CADPS: variants seen among roughly 807,000 people sequenced by gnomAD.
The protein encoded by CADPS is calcium-dependent secretion activator 1.
A neutral mutation model predicts 167.3 loss-of-function variants in CADPS; 57 were observed. The ratio of observed to expected loss-of-function variants is 0.34; its 90% CI spans 0.28 to 0.42. The LOEUF (loss-of-function observed/expected upper bound fraction) is 0.42. Ranked by LOEUF, CADPS falls within the 20% of genes least tolerant of loss-of-function variation. The pLI is 1.00. For synonymous variants in CADPS, 676 were observed against 635.3 expected, an observed-to-expected ratio of 1.06 and a Z score of -0.96; for missense variants, 1,414 against 1,738.1, an observed-to-expected ratio of 0.81 and a Z score of 3.32.
chr3:62,698,051 T>C (rs2080667978), intron 3 of CADPS, among the ~76,000 whole-genome samples: 1 of 152,102 alleles, frequency 6.6e-6, no homozygotes, highest in East Asian at 1.9e-4. Context: ...GGGCTGTCTG[T>C]TTACTCTGCT....
intron 7 of CADPS, among the ~76,000 whole-genome samples, chr3:62,586,960 C>G (rs935949385): frequency 2.0e-5 from 3 of 152,158 alleles, no homozygotes; most frequent in Non-Finnish European, 4.4e-5. Flanking sequence ...ATATTTAGGG[C>G]AAGGTACATT....
chr3:62,699,694 G>A (rs1580697538), intron 3 of CADPS, among the ~76,000 whole-genome samples: 1 of 151,994 alleles, frequency 6.6e-6, no homozygotes, highest in South Asian at 2.1e-4. Flanking sequence ...TCAGCTTCCT[G>A]AGTAGCTGGG....
chr3:62,544,226 G>A lies in CADPS; in HGVS notation c.1966+5677C>T, dbSNP rs2076128463. Among the ~76,000 whole-genome samples, 1 of 152,016 alleles carries A rather than the reference G, an allele frequency of 6.6e-6. No individual in the cohort carries two copies. The highest frequency in any genetic ancestry group is 6.6e-5 in the Admixed American group (1 of 15,236). On this transcript the variant is annotated intron_variant, in intron 11 of 29. Coordinates refer to ENST00000383710, the MANE Select transcript of CADPS (RefSeq NM_003716.4). This position sits in a 1 kb window ranked among gnomAD's most constrained non-coding sequence, Gnocchi z 4.4. ...TAATCCTCTATTGGGTCTTACATTA[G>A]AGCACACCCTTAAGCCAGCTAGAAT...
intron 3 of CADPS, among the ~76,000 whole-genome samples, chr3:62,708,470 G>C (rs1484476674): frequency 6.6e-6 from 1 of 151,940 alleles, no homozygotes; most frequent in Non-Finnish European, 1.5e-5. Context: ...TCACAGATGA[G>C]AAAAGTGAAA....
intron 11 of CADPS, among the ~76,000 whole-genome samples, chr3:62,547,377 T>C (rs968528416): frequency 6.6e-6 from 1 of 152,170 alleles, no homozygotes; most frequent in Admixed American, 6.6e-5. Flanking sequence ...TAGCTGATTG[T>C]AGTGGCTTGT....
In CADPS at chr3:62,478,566, C is replaced by G; in HGVS notation, c.3174-150G>C. On this transcript the variant is annotated intron_variant, in intron 22 of 29. Coordinates refer to ENST00000383710, the MANE Select transcript of CADPS (RefSeq NM_003716.4). This position sits in a 1 kb window ranked among gnomAD's most constrained non-coding sequence, Gnocchi z 5.7. Reference sequence around the variant, plus strand: ...GGCGGTGGAGGCGGGGGCGAGTCTCCACCGGCAGATTTTGAGTTTTACCAT... The same window carrying G: ...GGCGGTGGAGGCGGGGGCGAGTCTCGACCGGCAGATTTTGAGTTTTACCAT... 1.4e-6 allele frequency: 1 copy of G among 699,504 alleles called. No homozygotes were observed. Among genetic ancestry groups the G allele is most frequent in the Non-Finnish European group, 2.4e-6 (1 of 423,776 alleles). The allele number at this position is 699,504 out of a possible 1,614,324, so 43.3% of individuals were successfully genotyped here. A position where few individuals can be genotyped will look rare whatever the true frequency, so the allele number is the denominator to read the frequency against.
At chr3:62,813,907 T>C (rs1324886880) in intron 1 of CADPS, among the ~76,000 whole-genome samples, 3 of 151,962 alleles carry the variant, frequency 2.0e-5, no homozygotes, top group Non-Finnish European at 2.9e-5. Context: ...CAACACAGAG[T>C]AGAAGCTCAA....
At chr3:62,425,338 C>T (rs2149490734) in intron 28 of CADPS, among the ~76,000 whole-genome samples, 1 of 152,244 alleles carries the variant, frequency 6.6e-6, no homozygotes, top group East Asian at 1.9e-4. Context: ...CTCCCGCCAC[C>T]AATCAAAAAT....
At position 62,819,400 on chromosome 3, in the gene CADPS, C is replaced by CTG. The variant is rs1365425398; in HGVS notation, c.442-53418_442-53417dup. ...GGGTAAGGTTTAAAGCAATGACAAT[C>CTG]TGTGTGCGTGTGTGTGTGTGTGTGT... On this transcript the variant is annotated intron_variant, in intron 1 of 29. Transcript: ENST00000383710. Among the ~76,000 whole-genome samples the CTG allele has an allele frequency of 2.3e-5, 3 of 128,616 alleles. No individual in the cohort carries two copies. The South Asian group carries it at 8.7e-4, about 37-fold the overall frequency. The allele number at this position is 128,616 out of a possible 152,430, so 84.4% of individuals were successfully genotyped here. A position where few individuals can be genotyped will look rare whatever the true frequency, so the allele number is the denominator to read the frequency against.
chr3:62,808,117 C>T (rs950093693), intron 1 of CADPS, among the ~76,000 whole-genome samples: 2 of 145,640 alleles, frequency 1.4e-5, no homozygotes, highest in African/African-American at 4.9e-5. Flanking sequence ...TCATGATCCG[C>T]CAGCCTCAGC....
chr3:62,721,901 G>C (rs1163703599), intron 3 of CADPS, among the ~76,000 whole-genome samples: 3 of 152,176 alleles, frequency 2.0e-5, no homozygotes, highest in Non-Finnish European at 2.9e-5. Context: ...GATCCTGGTT[G>C]TGAATCCCAG....
intron 1 of CADPS, chr3:62,779,623 G>A (rs1422524368): frequency 5.6e-6 from 3 of 534,068 alleles, no homozygotes; most frequent in Non-Finnish European, 1.2e-5. Context: ...TCAGTGAGCT[G>A]CATGCATTTT....
At chr3:62,580,146 C>T (rs986475283) in intron 8 of CADPS, among the ~76,000 whole-genome samples, 2 of 152,134 alleles carry the variant, frequency 1.3e-5, no homozygotes, top group Non-Finnish European at 2.9e-5. Context: ...CGTATGTTTA[C>T]TGTGGCACTA....
At chr3:62,761,274 T>C (rs2085340257) in intron 2 of CADPS, among the ~76,000 whole-genome samples, 1 of 152,108 alleles carries the variant, frequency 6.6e-6, no homozygotes, top group Non-Finnish European at 1.5e-5. Context: ...TTAATCACAG[T>C]CGGTTTCTGT....
In CADPS at chr3:62,534,240, A is replaced by T. The variant is rs116369302; in HGVS notation, c.2104-1182T>A. Among the ~76,000 whole-genome samples the T allele has an allele frequency of 5.8e-3, 884 of 152,322 alleles. 12 individuals carry two copies. Among genetic ancestry groups the T allele is most frequent in the South Asian group, 0.02 (96 of 4,828 alleles). ...TTACTTTGAGGGTCTTCTCTGAGTCATCTTTTGAATATTGCTCCATCTTGG... is the reference window on the plus strand; with the variant it reads ...TTACTTTGAGGGTCTTCTCTGAGTCTTCTTTTGAATATTGCTCCATCTTGG... On this transcript the variant is annotated intron_variant, in intron 12 of 29. Transcript: ENST00000383710.
intron 28 of CADPS, among the ~76,000 whole-genome samples, chr3:62,418,419 G>A (rs1195147604): frequency 1.2e-4 from 17 of 146,284 alleles, no homozygotes; most frequent in African/African-American, 4.0e-4. Context: ...CAACCTCCCA[G>A]GCTTAAGTGA....
At chr3:62,697,318 C>T (rs1252273133) in intron 3 of CADPS, among the ~76,000 whole-genome samples, 2 of 152,014 alleles carry the variant, frequency 1.3e-5, no homozygotes, top group African/African-American at 4.8e-5. Context: ...TATGCCTTTG[C>T]ATCCTCACAG....
At position 62,580,949 on chromosome 3, in the gene CADPS, G is replaced by A. The variant is rs934074722; in HGVS notation, c.1577+4236C>T. ...AAATCTTATGCTGGATTTGGCATGG[G>A]TTTCAAGAATCTGCATTTGAATGTG... On this transcript the variant is annotated intron_variant, in intron 8 of 29. Transcript: ENST00000383710. 5.3e-5 allele frequency among the ~76,000 whole-genome samples: 8 copies of A among 152,144 alleles called. No individual in the cohort carries two copies. The East Asian group carries it at 5.8e-4, about 11-fold the overall frequency.
chr3:62,576,788 T>TTAAAAAAAAAAAAAAA lies in CADPS; in HGVS notation c.1578-5851_1578-5850insTTTTTTTTTTTTTTTA, dbSNP rs1553936618. 2.0e-4 allele frequency among the ~76,000 whole-genome samples: 6 copies of TTAAAAAAAAAAAAAAA among 29,878 alleles called. 1 individual carries two copies. Among genetic ancestry groups the TTAAAAAAAAAAAAAAA allele is most frequent in the African/African-American group, 3.7e-4 (3 of 8,202 alleles). The allele number at this position is 29,878 out of a possible 152,430, so 19.6% of individuals were successfully genotyped here. A position where few individuals can be genotyped will look rare whatever the true frequency, so the allele number is the denominator to read the frequency against. On this transcript the variant is annotated intron_variant, in intron 8 of 29. Transcript: ENST00000383710. Reference sequence around the variant, plus strand: ...CTGGGTGACAGAGCAAGACTCTGTCTAAAAAAAAAAAAAAAAAAAAAAAAA... The same window carrying TTAAAAAAAAAAAAAAA: ...CTGGGTGACAGAGCAAGACTCTGTCTTAAAAAAAAAAAAAAAAAAAAAAAAAAAAAAAAAAAAAAAA...
Sources: gnomAD v4.1 joint callset for allele counts (sites outside exome capture counted in the v4.1 genomes callset) on GRCh38, gnomAD v4.1.1 for gene constraint, Gnocchi (gnomAD v3.1) non-coding constraint, MANE v1.5 for transcripts, NCBI Gene and HGNC (gene_info 2026-07-23, HGNC 2026-07-21) for gene names.